Variants in MAGI1 observed in about 807,000 individuals in gnomAD.
MAGI1 encodes membrane-associated guanylate kinase, WW and PDZ domain-containing protein 1.
A neutral mutation model predicts 139.9 loss-of-function variants in MAGI1; 58 were observed. The observed-to-expected ratio is 0.41, with a 90% confidence interval of 0.34 to 0.52. The LOEUF (loss-of-function observed/expected upper bound fraction) is 0.52, where lower values mean the gene tolerates loss of function less well. MAGI1 is among the 20% of genes least tolerant of loss of function. The pLI is 0.12. For synonymous variants in MAGI1, 812 were observed against 737.9 expected (o/e 1.10, Z -1.63); for missense variants, 1,874 against 1,901.6 (o/e 0.99, Z 0.27).
At chr3:65,387,298 T>C in intron 14 of MAGI1, 5 of 1,159,390 alleles carry the variant, frequency 4.3e-6, no homozygotes, top group Non-Finnish European at 5.2e-6. Context: ...TAATTTAGTT[T>C]TGATTGATAA....
At chr3:65,579,280 T>G (rs1444853032) in intron 2 of MAGI1, among the ~76,000 whole-genome samples, 2 of 152,144 alleles carry the variant, frequency 1.3e-5, no homozygotes, top group Non-Finnish European at 2.9e-5. Context: ...TGCAACCATC[T>G]ACCCAAGCTT....
chr3:65,866,219 C>CT (rs11371904), intron 1 of MAGI1, among the ~76,000 whole-genome samples: 6,029 of 106,272 alleles, frequency 0.057, 381 homozygotes, highest in African/African-American at 0.2. Context: ...CAATTTTTTT[C>CT]TTTTTTTTTT....
rs550904436 is a variant in MAGI1 at position 66,024,768 on chromosome 3, T to C, written c.313+13228A>G. On this transcript the variant is annotated intron_variant, in intron 1 of 22. Coordinates refer to ENST00000402939, the MANE Select transcript of MAGI1 (RefSeq NM_001033057.2). ...TTGCAGTGAGCCAAGATCGCATCAT[T>C]GCACTCCAGCCTGGGCAACAAGAGT... 7.8e-4 allele frequency among the ~76,000 whole-genome samples: 119 copies of C among 152,264 alleles called. 4 individuals are homozygous for C. The South Asian group carries it at 0.024, about 30-fold the overall frequency.
chr3:65,591,392 C>A (rs2081958236), intron 2 of MAGI1, among the ~76,000 whole-genome samples: 1 of 152,156 alleles, frequency 6.6e-6, no homozygotes, highest in Non-Finnish European at 1.5e-5. Flanking sequence ...TGAGTCTACT[C>A]TCAAAATATA....
intron 2 of MAGI1, among the ~76,000 whole-genome samples, chr3:65,502,872 A>G (rs1460222275): frequency 2.6e-5 from 4 of 152,190 alleles, no homozygotes; most frequent in Non-Finnish European, 5.9e-5. Context: ...TGCCAAGGAA[A>G]GGGCTGAAAG....
At chr3:65,607,068 G>A (rs537964712) in intron 2 of MAGI1, among the ~76,000 whole-genome samples, 5 of 151,776 alleles carry the variant, frequency 3.3e-5, no homozygotes, top group African/African-American at 1.2e-4. Context: ...TTTTTTTTCC[G>A]ATTCTGACAT....
At chr3:65,369,267 C>G (rs139185625) in intron 18 of MAGI1, among the ~76,000 whole-genome samples, 229 of 152,148 alleles carry the variant, frequency 1.5e-3, no homozygotes, top group African/African-American at 5.2e-3. Flanking sequence ...AGAGGAATCA[C>G]GTTTTGGAGG....
intron 1 of MAGI1, among the ~76,000 whole-genome samples, chr3:65,863,027 A>G (rs1018948534): frequency 3.9e-5 from 6 of 152,190 alleles, no homozygotes; most frequent in Non-Finnish European, 8.8e-5. Flanking sequence ...CCCCTTTCTC[A>G]CCATGAAGCC....
intron 1 of MAGI1, among the ~76,000 whole-genome samples, chr3:65,799,825 T>C (rs926326510): frequency 6.6e-6 from 1 of 152,216 alleles, no homozygotes; most frequent in African/African-American, 2.4e-5. Flanking sequence ...AACTCTGTAG[T>C]GTATTGCACA....
intron 2 of MAGI1, among the ~76,000 whole-genome samples, chr3:65,509,394 C>T (rs1413378295): frequency 6.6e-6 from 1 of 152,092 alleles, no homozygotes; most frequent in Admixed American, 6.5e-5. Context: ...TCTGAGGTAC[C>T]GGGTTTATCT....
chr3:65,618,152 T>C (rs2083470462), intron 2 of MAGI1, among the ~76,000 whole-genome samples: 1 of 152,178 alleles, frequency 6.6e-6, no homozygotes, highest in African/African-American at 2.4e-5. Context: ...TACTCATTTA[T>C]AAGAAGACAC....
chr3:65,791,812 T>C (rs556633411), intron 1 of MAGI1, among the ~76,000 whole-genome samples: 45 of 152,296 alleles, frequency 3.0e-4, no homozygotes, highest in African/African-American at 1.1e-3. Flanking sequence ...AATATATAGA[T>C]AAATGTTCTG....
At chr3:65,861,429 T>C (rs572490749) in intron 1 of MAGI1, among the ~76,000 whole-genome samples, 1 of 152,308 alleles carries the variant, frequency 6.6e-6, no homozygotes, top group East Asian at 1.9e-4. Context: ...CCCTGTTTTA[T>C]ATAGTCATGG....
chr3:65,360,947 C>G, intron 22 of MAGI1: 1 of 1,413,672 alleles, frequency 7.1e-7, no homozygotes, highest in East Asian at 2.5e-5. Flanking sequence ...CTAGACAAAA[C>G]GTTCTCTCTG....
At chr3:65,731,709 T>C (rs2034217391) in intron 1 of MAGI1, among the ~76,000 whole-genome samples, 3 of 150,810 alleles carry the variant, frequency 2.0e-5, no homozygotes, top group Admixed American at 6.6e-5. Context: ...TTATCATGCA[T>C]AAATCAGGCA....
At chr3:65,996,805 A>G (rs2066474188) in intron 1 of MAGI1, among the ~76,000 whole-genome samples, 1 of 152,216 alleles carries the variant, frequency 6.6e-6, no homozygotes, top group Admixed American at 6.5e-5. Flanking sequence ...TTTCTAGGTT[A>G]GTTCTGATGA....
chr3:66,005,720 A>G (rs2066980051), intron 1 of MAGI1, among the ~76,000 whole-genome samples: 1 of 152,186 alleles, frequency 6.6e-6, no homozygotes, highest in Non-Finnish European at 1.5e-5. Context: ...AAGATGACAC[A>G]AAAAGGAATG....
chr3:65,458,996 G>A (rs1949592649), intron 5 of MAGI1, among the ~76,000 whole-genome samples: 1 of 152,106 alleles, frequency 6.6e-6, no homozygotes. Context: ...GAGAGATATG[G>A]GATAGTTTCA....
chr3:65,638,471 G>A (rs909724170), intron 1 of MAGI1, among the ~76,000 whole-genome samples: 8 of 151,430 alleles, frequency 5.3e-5, no homozygotes, highest in South Asian at 2.1e-4. Flanking sequence ...GCTTTCACAC[G>A]CCCGCTTCTG....
Sources: gnomAD v4.1 joint callset for allele counts (sites outside exome capture counted in the v4.1 genomes callset) on GRCh38, gnomAD v4.1.1 for gene constraint, MANE v1.5 for transcripts, NCBI Gene and HGNC (gene_info 2026-07-23, HGNC 2026-07-21) for gene names.